PCNX2: variants seen among roughly 807,000 people sequenced by gnomAD.
The protein encoded by PCNX2 is pecanex-like protein 2.
A neutral mutation model predicts 223.8 loss-of-function variants in PCNX2; 168 were observed. The ratio of observed to expected loss-of-function variants is 0.75; its 90% CI spans 0.66 to 0.85. The LOEUF is 0.85. Ranked by LOEUF, PCNX2 falls within the 40% of genes least tolerant of loss-of-function variation. The probability of loss-of-function intolerance (pLI) is 0.00; values close to 1 mark genes in which losing one functional copy is unlikely to be tolerated. For missense variants in PCNX2, 2,507 were observed against 2,675.5 expected, an observed-to-expected ratio of 0.94 and a Z score of 1.39; for synonymous variants, 1,006 against 1,052.6, an observed-to-expected ratio of 0.96 and a Z score of 0.86.
In PCNX2 at chr1:233,259,330, C is replaced by T; in HGVS notation, c.532G>A (p.Glu178Lys). The T allele has an allele frequency of 6.2e-7, 1 of 1,610,582 alleles. No individual in the cohort carries two copies. Among genetic ancestry groups the T allele is most frequent in the Non-Finnish European group, 8.5e-7 (1 of 1,177,910 alleles). Residue 178 changes from glutamate (E) to lysine (K), a missense_variant, in exon 5 of 34, where the codon GAA (glutamate) becomes AAA (lysine). Physicochemically the swap from Glu to Lys is moderately conservative, Grantham distance 56. Transcript: ENST00000258229. Reference sequence around the variant, plus strand: ...GACACTGGTGCTATGGGATGGTCTTCTAATAGAATGACACCTGAAATGACA... The same window carrying T: ...GACACTGGTGCTATGGGATGGTCTTTTAATAGAATGACACCTGAAATGACA... ...VEDLKGVILL[E>K]DHPIAPVSST...
At chr1:233,072,147 GT>G (rs1285283194) in intron 23 of PCNX2, among the ~76,000 whole-genome samples, 1 of 152,124 alleles carries the variant, frequency 6.6e-6, no homozygotes, top group Admixed American at 6.6e-5. Context: ...CTTCAGTTTA[GT>G]TAGATTCCAT....
rs1358075531 is a variant in PCNX2, at chr1:233,057,222, ATCT to A, written c.4135+7_4135+9del. 6.3e-7 allele frequency: 1 copy of A among 1,583,066 alleles called. No homozygotes were observed. Among genetic ancestry groups the A allele is most frequent in the South Asian group, 1.1e-5 (1 of 88,838 alleles). Reference sequence around the variant, plus strand: ...TAAATAGTTGAAAAAGAGAGAAGAGATCTTCTTACCTGGATCTCTTTCAATTTG... The same window carrying A: ...TAAATAGTTGAAAAAGAGAGAAGAGATCTTACCTGGATCTCTTTCAATTTG... On this transcript the variant is annotated splice_region_variant and intron_variant, in intron 24 of 33. Transcript: ENST00000258229.
In PCNX2 at chr1:233,278,865, A is replaced by G. The variant is rs568094425; in HGVS notation, c.154-15702T>C. Among the ~76,000 whole-genome samples the G allele has an allele frequency of 8.5e-5, 13 of 152,212 alleles. No homozygotes were observed. The East Asian group carries it at 2.5e-3, about 29-fold the overall frequency. On this transcript the variant is annotated intron_variant, in intron 1 of 33. Transcript: ENST00000258229. Reference sequence around the variant, plus strand: ...CATTTCTCCCCTTTCTGTAGGATGCACCCCACTCCTAAATGCATATCATTG... The same window carrying G: ...CATTTCTCCCCTTTCTGTAGGATGCGCCCCACTCCTAAATGCATATCATTG...
intron 21 of PCNX2, among the ~76,000 whole-genome samples, chr1:233,108,755 A>G (rs1477220698): frequency 6.6e-6 from 1 of 151,794 alleles, no homozygotes; most frequent in African/African-American, 2.4e-5. Context: ...AAAATGAGAA[A>G]CTCTCCTTCT....
At chr1:233,238,006 C>T (rs1023207176) in intron 8 of PCNX2, among the ~76,000 whole-genome samples, 2 of 152,280 alleles carry the variant, frequency 1.3e-5, no homozygotes, top group African/African-American at 2.4e-5. Context: ...TTACATGATT[C>T]GTGAATAATA....
chr1:233,173,386 G>A (rs902579354), intron 17 of PCNX2, among the ~76,000 whole-genome samples: 4 of 152,052 alleles, frequency 2.6e-5, no homozygotes, highest in East Asian at 1.9e-4. Flanking sequence ...GGCTGGTTTC[G>A]AACTCCTGAC....
At chr1:233,234,408 T>A (rs1332865564) in intron 9 of PCNX2, among the ~76,000 whole-genome samples, 2 of 152,184 alleles carry the variant, frequency 1.3e-5, no homozygotes, top group African/African-American at 4.8e-5. Context: ...AATATAGAAC[T>A]TTAAAATTTT....
At chr1:233,228,106 T>C (rs1657853277) in intron 9 of PCNX2, among the ~76,000 whole-genome samples, 1 of 152,148 alleles carries the variant, frequency 6.6e-6, no homozygotes, top group South Asian at 2.1e-4. Context: ...ATGTTGGTAA[T>C]AGAATGTGTT....
At position 233,119,964 on chromosome 1, in the gene PCNX2, C is replaced by T. The variant is rs563126096; in HGVS notation, c.3837+15049G>A. 1.6e-3 allele frequency among the ~76,000 whole-genome samples: 238 copies of T among 151,604 alleles called. 1 individual carries two copies. Among genetic ancestry groups the T allele is most frequent in the Non-Finnish European group, 2.0e-3 (136 of 67,892 alleles). ...GGTGGATCACCTGAGGTCAGGAGTT[C>T]GAGACCAGCCTGGCCAACATGGTGA... On this transcript the variant is annotated intron_variant, in intron 21 of 33. Transcript: ENST00000258229.
intron 23 of PCNX2, among the ~76,000 whole-genome samples, chr1:233,059,697 G>T (rs1672332607): frequency 6.6e-6 from 1 of 152,208 alleles, no homozygotes; most frequent in Admixed American, 6.5e-5. Flanking sequence ...AATGGTCAAA[G>T]ATAAGGCTAC....
intron 25 of PCNX2, chr1:233,031,981 G>A (rs1671284281): frequency 1.0e-6 from 1 of 984,994 alleles, no homozygotes; most frequent in African/African-American, 1.7e-5. Flanking sequence ...AGGCTCCAGT[G>A]GGGGTGGGGT....
rs1571984762 is a variant in PCNX2 at position 232,990,597 on chromosome 1, T to C, written c.5792-4057A>G. Among the ~76,000 whole-genome samples the C allele has an allele frequency of 6.6e-6, 1 of 152,020 alleles. No homozygotes were observed. Among genetic ancestry groups the C allele is most frequent in the Admixed American group, 6.6e-5 (1 of 15,260 alleles). On this transcript the variant is annotated intron_variant, in intron 32 of 33. Coordinates refer to ENST00000258229, the MANE Select transcript of PCNX2 (RefSeq NM_014801.4). This position sits in a 1 kb window ranked among gnomAD's most constrained non-coding sequence, Gnocchi z 4.3. Reference sequence around the variant, plus strand: ...TGTAAGTGGCTGAGGCCAGGAGGGGTAACCATCCACTCATTCGTCCAACCT... The same window carrying C: ...TGTAAGTGGCTGAGGCCAGGAGGGGCAACCATCCACTCATTCGTCCAACCT...
At chr1:233,210,467 T>TG (rs1341818363) in intron 12 of PCNX2, 2 of 388,434 alleles carry the variant, frequency 5.1e-6, no homozygotes, top group African/African-American at 4.4e-5. Context: ...TTAGTAGGGA[T>TG]GGGGTTTCAC....
chr1:233,301,625 A>G, the PCNX2 span, among the ~76,000 whole-genome samples: 11 of 152,180 alleles, frequency 7.2e-5, no homozygotes, highest in African/African-American at 2.7e-4. Flanking sequence ...TTGGCTTAAC[A>G]TCCAAAAATC....
chr1:233,069,943 G>A (rs528652256), intron 23 of PCNX2, among the ~76,000 whole-genome samples: 1 of 152,218 alleles, frequency 6.6e-6, no homozygotes, highest in East Asian at 1.9e-4. Context: ...CTGGTTCTTT[G>A]AGAATATCAA....
chr1:233,039,638 G>C (rs1671575147), intron 25 of PCNX2, among the ~76,000 whole-genome samples: 1 of 152,178 alleles, frequency 6.6e-6, no homozygotes, highest in African/African-American at 2.4e-5. Flanking sequence ...AAGGCTCACA[G>C]TCTAATAGAG....
chr1:233,318,680 C>T, the PCNX2 span, among the ~76,000 whole-genome samples: 1 of 149,400 alleles, frequency 6.7e-6, no homozygotes, highest in Non-Finnish European at 1.5e-5. Context: ...GATTCTCCTG[C>T]TTCATCCTCC....
intron 15 of PCNX2, among the ~76,000 whole-genome samples, chr1:233,180,372 C>T (rs886178203): frequency 6.6e-6 from 1 of 152,180 alleles, no homozygotes; most frequent in Non-Finnish European, 1.5e-5. Context: ...CCCACACACA[C>T]CTGGTGCTCC....
chr1:233,225,400 A>C (rs1463588546), intron 10 of PCNX2, among the ~76,000 whole-genome samples: 1 of 152,182 alleles, frequency 6.6e-6, no homozygotes, highest in Admixed American at 6.5e-5. Context: ...GGAAGGTTTC[A>C]TAGCCATCCT....
Sources: allele counts gnomAD v4.1 joint callset (sites outside exome capture counted in the v4.1 genomes callset), GRCh38; gene constraint gnomAD v4.1.1; non-coding constraint Gnocchi (gnomAD v3.1); transcripts MANE v1.5; gene names NCBI Gene and HGNC (gene_info 2026-07-23, HGNC 2026-07-21).